The following PTCH1 variants were observed in gnomAD, a reference collection of about 807,000 sequenced individuals.
PTCH1 encodes the protein patched 1.
Under a neutral mutation model 144.6 loss-of-function variants are expected in PTCH1, and 14 were observed. That is an observed-to-expected ratio of 0.10 (90% confidence interval 0.06 to 0.15). The LOEUF is 0.15. Ranked by LOEUF, PTCH1 falls within the 10% of genes least tolerant of loss-of-function variation. The probability of loss-of-function intolerance (pLI) is 1.00; values close to 1 mark genes in which losing one functional copy is unlikely to be tolerated. For synonymous variants in PTCH1, 833 were observed against 793.6 expected (o/e 1.05, Z -0.83); for missense variants, 1,623 against 1,948.3 (o/e 0.83, Z 3.14).
chr9:95,516,613 T>TC, exon 1 of PTCH1: 1 of 1,603,646 alleles, frequency 6.2e-7, no homozygotes, highest in Non-Finnish European at 8.5e-7. Flanking sequence ...TTCCCTCGTC[T>TC]CCCCCTTGCC....
At chr9:95,454,442 G>A (rs527559561) in intron 19 of PTCH1, among the ~76,000 whole-genome samples, 4 of 152,298 alleles carry the variant, frequency 2.6e-5, no homozygotes, top group African/African-American at 4.8e-5. Context: ...GGACTGAGAC[G>A]GTCGTTCTCC....
chr9:95,513,905 G>A (rs1432174832), upstream of PTCH1: 1 of 152,086 alleles, frequency 6.6e-6, no homozygotes, highest in East Asian at 1.9e-4. Flanking sequence ...CTCCTTTAAT[G>A]GGAAGCTGCT....
At chr9:95,446,735 G>C in intron 23 of PTCH1, 176 bp downstream of exon 23, 2 of 799,722 alleles carry the variant, frequency 2.5e-6, no homozygotes, top group South Asian at 1.6e-5. Context: ...GGTTCCCCAA[G>C]GATGACAAAG....
intron 4 of PTCH1, 39 bp from the exon 5 acceptor site, chr9:95,482,079 A>G (rs2118469221): frequency 6.2e-7 from 1 of 1,610,714 alleles, no homozygotes; most frequent in Non-Finnish European, 8.5e-7. Flanking sequence ...CGTTAGGTTA[A>G]GGCACACTAC....
At chr9:95,453,735 G>T in intron 19 of PTCH1, 115 bp from the exon 20 acceptor site, 1 of 1,409,960 alleles carries the variant, frequency 7.1e-7, no homozygotes, top group Non-Finnish European at 9.8e-7. Flanking sequence ...TGTTTTAGTT[G>T]CTAGAATGTG....
At position 95,468,811 on chromosome 9, in the gene PTCH1, C is replaced by G. The variant is rs1131690992; in HGVS notation, c.2190G>C (p.Trp730Cys). 1.2e-6 allele frequency: 2 copies of G among 1,614,158 alleles called. No homozygotes were observed. Among genetic ancestry groups the G allele is most frequent in the Non-Finnish European group, 1.7e-6 (2 of 1,180,022 alleles). ...LHCLEPPCTKWTLSSFAEKHY... is the reference protein window; with the variant it reads ...LHCLEPPCTKCTLSSFAEKHY... ...GCTTCTCAGCAAAAGATGAGAGTGT[C>G]CACTTCGTACAGGGGGGCTCGAGGC... Residue 730 changes from tryptophan (W) to cysteine (C), a missense_variant, in exon 14 of 24, where the codon TGG (tryptophan) becomes TGC (cysteine). By Grantham distance (215) the Trp-to-Cys change is radical (BLOSUM62 -2). Coordinates refer to ENST00000331920, the MANE Select transcript of PTCH1 (RefSeq NM_000264.5).
At chr9:95,463,964 G>A (rs1228740506) in intron 15 of PTCH1, among the ~76,000 whole-genome samples, 12 of 152,148 alleles carry the variant, frequency 7.9e-5, no homozygotes, top group African/African-American at 4.8e-5. Context: ...GGTGGCAAAC[G>A]GGGTCCCCAA....
intron 2 of PTCH1, 194 bp downstream of exon 2, chr9:95,506,213 A>G: frequency 1.9e-6 from 1 of 515,742 alleles, no homozygotes; most frequent in Non-Finnish European, 3.2e-6. Context: ...CAGCGCCCCG[A>G]GTAGATTACA....
intron 2 of PTCH1, among the ~76,000 whole-genome samples, chr9:95,493,261 C>A (rs912170936): frequency 2.0e-5 from 3 of 152,220 alleles, no homozygotes; most frequent in African/African-American, 7.2e-5. Flanking sequence ...GCTTAAGAAA[C>A]TTCTGTGTCA....
chr9:95,475,620 TG>T (rs1231715092), intron 12 of PTCH1, among the ~76,000 whole-genome samples: 1 of 152,074 alleles, frequency 6.6e-6, no homozygotes, highest in Non-Finnish European at 1.5e-5. Context: ...AAAGGTAGCC[TG>T]TTTGGGATCA....
chr9:95,453,037 G>A (rs1436705874), intron 20 of PTCH1: 1 of 312,588 alleles, frequency 3.2e-6, no homozygotes, highest in South Asian at 3.0e-5. Flanking sequence ...ATATCTCTAC[G>A]TTAACAAGTT....
chr9:95,482,118 C>G lies in PTCH1; in HGVS notation c.654+16G>C, dbSNP rs1217275769. 6.2e-7 allele frequency: 1 copy of G among 1,613,918 alleles called. No homozygotes were observed. The highest frequency in any genetic ancestry group is 1.3e-5 in the African/African-American group (1 of 75,038). ...GGTGTTCCTGAGAAATTTTTGCCAA[C>G]AAGAAGAAAATATACCTGATCCATG... On this transcript the variant is annotated intron_variant, in intron 4 of 23. Transcript: ENST00000331920.
At position 95,506,575 on chromosome 9, in the gene PTCH1, G is replaced by T. The variant is rs997156828; in HGVS notation, c.226C>A (p.Pro76Thr). ...SKGKATGRKA[P>T]LWLRAKFQRL... is the part of the protein sequence containing the mutation. ...TGAAACTTCGCTCTCAGCCACAGCG[G>T]CGCTTTCCGGCCAGTAGCCTTCCCC... is the stretch of plus-strand genomic sequence containing the variant. The change falls in exon 2 of 24, where the codon CCG becomes ACG. Residue 76 changes from proline (P) to threonine (T), a missense_variant. Physicochemically the swap from Pro to Thr is conservative, Grantham distance 38 (BLOSUM62 -1). This residue lies in a region of PTCH1 where 245 missense variants were observed against 240.6 expected (regional missense o/e 1.02). Transcript: ENST00000331920. 1 of 1,612,548 alleles carries T rather than the reference G, an allele frequency of 6.2e-7. No homozygotes were observed. Among genetic ancestry groups the T allele is most frequent in the Non-Finnish European group, 8.5e-7 (1 of 1,179,372 alleles).
chr9:95,459,462 AAACGAGAAGAAATAGATT>A, intron 17 of PTCH1, 120 bp downstream of exon 17: 1 of 1,113,744 alleles, frequency 9.0e-7, no homozygotes, highest in East Asian at 2.5e-5. Context: ...CCAGAGTTTT[AAACGAGAAGAAATAGATT>A]GTTCTGTTTA....
chr9:95,507,874 C>T (rs923538890), intron 1 of PTCH1: 1 of 1,241,562 alleles, frequency 8.1e-7, no homozygotes, highest in Non-Finnish European at 1.0e-6. Context: ...TCCAGTGCTC[C>T]GGAAAAGGCA....
rs1225648542 is a variant in PTCH1 at position 95,449,775 on chromosome 9, A to T, written c.3549+66T>A. On this transcript the variant is annotated intron_variant, in intron 21 of 23. Transcript: ENST00000331920. The surrounding 1 kb of genome is among the most constrained non-coding windows in gnomAD (Gnocchi z 5.3). ...GGGAGGCACCTAAGTATCGAAGTGA[A>T]GAGCGGCACAGGAAACACAGCATTC... The T allele has an allele frequency of 7.0e-7, 1 of 1,426,488 alleles. No homozygotes were observed. Among genetic ancestry groups the T allele is most frequent in the African/African-American group, 1.4e-5 (1 of 70,884 alleles). The allele number at this position is 1,426,488 out of a possible 1,614,324, so 88.4% of individuals were successfully genotyped here. A position where few individuals can be genotyped will look rare whatever the true frequency, so the allele number is the denominator to read the frequency against.
At chr9:95,453,807 T>C (rs1032434036) in intron 19 of PTCH1, among the ~76,000 whole-genome samples, 187 bp from the exon 20 acceptor site, 4 of 152,222 alleles carry the variant, frequency 2.6e-5, no homozygotes, top group Non-Finnish European at 5.9e-5. Flanking sequence ...TTCATGACAC[T>C]GGGTCATATT....
At chr9:95,487,984 C>T (rs1056578898) in intron 2 of PTCH1, among the ~76,000 whole-genome samples, 7 of 152,300 alleles carry the variant, frequency 4.6e-5, no homozygotes, top group Non-Finnish European at 7.3e-5. Flanking sequence ...GCAGAGCAGC[C>T]GCCTGTTAAC....
chr9:95,512,721 C>G (rs1167274181), upstream of PTCH1, among the ~76,000 whole-genome samples: 1 of 152,234 alleles, frequency 6.6e-6, no homozygotes, highest in Non-Finnish European at 1.5e-5. Flanking sequence ...TTCCACAGAT[C>G]TGAGATGCAG....
Sources: gnomAD v4.1 joint callset for allele counts (sites outside exome capture counted in the v4.1 genomes callset) on GRCh38, gnomAD v4.1.1 for gene constraint, gnomAD v4.1.1 regional missense constraint, Gnocchi (gnomAD v3.1) non-coding constraint, MANE v1.5 for transcripts, NCBI Gene and HGNC (gene_info 2026-07-23, HGNC 2026-07-21) for gene names.